Variants in AKAP13 observed in about 807,000 individuals in gnomAD.
The protein encoded by AKAP13 is A-kinase anchoring protein 13, also known as A-kinase anchor protein 13.
A neutral mutation model predicts 264.5 loss-of-function variants in AKAP13; 80 were observed. The observed-to-expected ratio is 0.30, with a 90% CI of 0.25 to 0.36. AKAP13 has a LOEUF of 0.36. Among genes scored for constraint, AKAP13 ranks in the 10% least tolerant of loss-of-function variants. The probability of loss-of-function intolerance (pLI) is 1.00; values close to 1 mark genes in which losing one functional copy is unlikely to be tolerated. For missense variants in AKAP13, 3,712 were observed against 3,435.2 expected (o/e 1.08, Z -2.01); for synonymous variants, 1,380 against 1,250.2 (o/e 1.10, Z -2.19).
chr15:85,721,858 C>G, intron 23 of AKAP13, 133 bp from the exon 24 acceptor site: 1 of 1,415,362 alleles, frequency 7.1e-7, no homozygotes, highest in Non-Finnish European at 9.5e-7. Context: ...AAAGCTGCTG[C>G]ACCATTTCAT....
chr15:85,394,183 G>A (rs950168027), intron 1 of AKAP13, among the ~76,000 whole-genome samples: 1 of 152,210 alleles, frequency 6.6e-6, no homozygotes, highest in Non-Finnish European at 1.5e-5. Context: ...GGGAGAAGGA[G>A]TAAGCAAGCC....
chr15:85,714,839 T>C (rs1597151813), intron 19 of AKAP13, among the ~76,000 whole-genome samples: 1 of 151,952 alleles, frequency 6.6e-6, no homozygotes, highest in South Asian at 2.1e-4. Flanking sequence ...TGGTGGCGGG[T>C]GCCTGTAATC....
chr15:85,557,892 A>G (rs577277426), intron 5 of AKAP13, among the ~76,000 whole-genome samples: 45 of 152,250 alleles, frequency 3.0e-4, no homozygotes, highest in South Asian at 2.9e-3. Context: ...TACTCTTGCT[A>G]TTGTTCAGTT....
At chr15:85,715,994 A>T in intron 20 of AKAP13, 71 bp downstream of exon 20, 1 of 1,521,174 alleles carries the variant, frequency 6.6e-7, no homozygotes, top group Non-Finnish European at 8.7e-7. Flanking sequence ...ACATCATATG[A>T]CAAAAAGCTT....
chr15:85,538,759 G>A (rs1258897870), intron 4 of AKAP13, among the ~76,000 whole-genome samples: 1 of 145,702 alleles, frequency 6.9e-6, no homozygotes, highest in Non-Finnish European at 1.5e-5. Context: ...AAAGTGCTGG[G>A]ATTACAGGCT....
intron 33 of AKAP13, among the ~76,000 whole-genome samples, chr15:85,739,443 T>C (rs1282544375): frequency 6.6e-6 from 1 of 152,244 alleles, no homozygotes; most frequent in Non-Finnish European, 1.5e-5. Context: ...TTTGTGTTCC[T>C]GGCCTATTTT....
intron 1 of AKAP13, among the ~76,000 whole-genome samples, chr15:85,446,702 T>C (rs1053938065): frequency 2.2e-5 from 3 of 134,152 alleles, no homozygotes; most frequent in African/African-American, 6.1e-5. Context: ...GCCCTTCTTT[T>C]TCTTTTTCTT....
chr15:85,543,244 C>G (rs1387486933), intron 4 of AKAP13, among the ~76,000 whole-genome samples: 1 of 152,128 alleles, frequency 6.6e-6, no homozygotes, highest in African/African-American at 2.4e-5. Flanking sequence ...AATAAAAAGA[C>G]CCATGTGTAC....
intron 1 of AKAP13, among the ~76,000 whole-genome samples, chr15:85,446,061 G>A (rs2073887829): frequency 6.6e-6 from 1 of 152,138 alleles, no homozygotes; most frequent in African/African-American, 2.4e-5. Context: ...GAGCAACTTG[G>A]TATTGCTAGA....
intron 2 of AKAP13, among the ~76,000 whole-genome samples, chr15:85,517,340 T>C (rs545362579): frequency 4.9e-5 from 7 of 142,878 alleles, no homozygotes; most frequent in African/African-American, 1.8e-4. Flanking sequence ...CGTTTCCCTT[T>C]CCCATCACAC....
At position 85,606,080 on chromosome 15, in the gene AKAP13, GT is replaced by G. The variant is rs2080309391; in HGVS notation, c.4161+20260del. ...TTCTGAATCTAGATTTTCTGCACTG[GT>G]TTGATCTACTTTTTTTTTTTTTTTT... On this transcript the variant is annotated intron_variant, in intron 8 of 36. Transcript: ENST00000394518. 2.5e-5 allele frequency among the ~76,000 whole-genome samples: 3 copies of G among 119,176 alleles called. No individual in the cohort carries two copies. The South Asian group carries it at 8.6e-4, about 34-fold the overall frequency. 78.2% of individuals were successfully genotyped at this position (119,176 alleles called of 152,430 possible).
chr15:85,550,009 C>A (rs1261735298), intron 5 of AKAP13, among the ~76,000 whole-genome samples: 2 of 152,142 alleles, frequency 1.3e-5, no homozygotes, highest in Non-Finnish European at 2.9e-5. Flanking sequence ...CTCCACCTCC[C>A]AGGTTCAAGT....
chr15:85,629,763 C>CGTTTTT (rs1567164100), intron 8 of AKAP13, among the ~76,000 whole-genome samples: 24 of 76,150 alleles, frequency 3.2e-4, no homozygotes, highest in Non-Finnish European at 2.0e-4. Flanking sequence ...TCCTTTACAG[C>CGTTTTT]CTTTTTTTTT....
chr15:85,561,855 G>C (rs1031267802), intron 5 of AKAP13, among the ~76,000 whole-genome samples: 1 of 152,160 alleles, frequency 6.6e-6, no homozygotes, highest in Non-Finnish European at 1.5e-5. Flanking sequence ...CATATCCATA[G>C]TACGCAATGA....
chr15:85,432,961 T>C (rs955470208), intron 1 of AKAP13, among the ~76,000 whole-genome samples: 3 of 151,444 alleles, frequency 2.0e-5, no homozygotes, highest in Admixed American at 2.0e-4. Flanking sequence ...GAAAAAAAAA[T>C]ATACACCCCA....
chr15:85,388,334 A>G (rs960705635), intron 1 of AKAP13, among the ~76,000 whole-genome samples: 2 of 152,048 alleles, frequency 1.3e-5, no homozygotes, highest in African/African-American at 4.8e-5. Flanking sequence ...CGTGAGCTAC[A>G]GCGCTGGGCG....
Position 85,741,407 on chromosome 15 carries a change from C to T in AKAP13, c.7970C>T (p.Ala2657Val). ...YQYDLERLRA[A>V]QKQLEREQEQ... ...TATGACCTGGAGCGACTGCGTGCTGCCCAGAAACAGCTTGAGAGGGAACAG... is the reference window on the plus strand; with the variant it reads ...TATGACCTGGAGCGACTGCGTGCTGTCCAGAAACAGCTTGAGAGGGAACAG... The change falls in exon 35 of 37, where the codon GCC (alanine) becomes GTC (valine). Residue 2657 changes from alanine to valine, a missense_variant. This residue lies in a region of AKAP13 where 611 missense variants were observed against 539.3 expected (regional missense o/e 1.13). Transcript: ENST00000394518. 1 of 1,613,542 alleles carries T rather than the reference C, an allele frequency of 6.2e-7. No homozygotes were observed. The highest frequency in any genetic ancestry group is 8.5e-7 in the Non-Finnish European group (1 of 1,179,624).
intron 17 of AKAP13, among the ~76,000 whole-genome samples, chr15:85,703,706 A>G (rs2086059012): frequency 6.6e-6 from 1 of 152,060 alleles, no homozygotes; most frequent in Admixed American, 6.6e-5. Flanking sequence ...AGTCAGGCGT[A>G]GTGGCATGGA....
chr15:85,702,675 A>G (rs1420163182), intron 17 of AKAP13: 1 of 152,244 alleles, frequency 6.6e-6, no homozygotes, highest in East Asian at 1.9e-4. Flanking sequence ...TAGAAAGATC[A>G]GCCATATAGT....
Sources: allele counts gnomAD v4.1 joint callset (sites outside exome capture counted in the v4.1 genomes callset), GRCh38; gene constraint gnomAD v4.1.1; regional missense constraint gnomAD v4.1.1; transcripts MANE v1.5; gene names NCBI Gene and HGNC (gene_info 2026-07-23, HGNC 2026-07-21).